NOS1AP: variants seen among roughly 807,000 people sequenced by gnomAD.
The protein encoded by NOS1AP is nitric oxide synthase 1 adaptor protein.
A neutral mutation model predicts 56.2 loss-of-function variants in NOS1AP; 21 were observed. That is an observed-to-expected ratio of 0.37 (90% CI 0.26 to 0.54). The LOEUF (loss-of-function observed/expected upper bound fraction) is 0.54, where lower values mean the gene tolerates loss of function less well. Ranked by LOEUF, NOS1AP falls within the 20% of genes least tolerant of loss-of-function variation. The pLI, the probability that NOS1AP is intolerant of heterozygous loss-of-function variation, is 0.84. For missense variants in NOS1AP, 522 were observed against 657.8 expected (o/e 0.79, Z 2.26); for synonymous variants, 270 against 274.6 (o/e 0.98, Z 0.17).
intron 2 of NOS1AP, among the ~76,000 whole-genome samples, chr1:162,253,058 C>T (rs574996599): frequency 1.3e-5 from 2 of 152,208 alleles, no homozygotes; most frequent in Admixed American, 1.3e-4. Flanking sequence ...TTGTCACTGT[C>T]ACAATATTAA....
chr1:162,343,918 T>G lies in NOS1AP; in HGVS notation c.537T>G (p.Asn179Lys). 1 of 1,614,080 alleles carries G rather than the reference T, an allele frequency of 6.2e-7. No homozygotes were observed. The highest frequency in any genetic ancestry group is 1.1e-5 in the South Asian group (1 of 91,076). Reference sequence around the variant, plus strand: ...TGAGCCTGCAGCACACGCAGCAGAATGCAGATGGCCAGGAAGATGGAGAGA... The same window carrying G: ...TGAGCCTGCAGCACACGCAGCAGAAGGCAGATGGCCAGGAAGATGGAGAGA... ...HKLSLQHTQQ[N>K]ADGQEDGESE... is the part of the protein sequence containing the mutation. The change falls in exon 6 of 10, where the codon AAT becomes AAG. Residue 179 changes from asparagine (N) to lysine (K), a missense_variant. Coordinates refer to ENST00000361897, the MANE Select transcript of NOS1AP (RefSeq NM_014697.3).
intron 3 of NOS1AP, among the ~76,000 whole-genome samples, chr1:162,291,473 A>C (rs541623277): frequency 1.8e-4 from 27 of 151,920 alleles, no homozygotes; most frequent in African/African-American, 6.0e-4. Context: ...TCTTCCTGTC[A>C]ATCTGCCAGT....
intron 5 of NOS1AP, among the ~76,000 whole-genome samples, chr1:162,339,393 G>GC (rs1657034583): frequency 9.0e-6 from 1 of 110,506 alleles, no homozygotes; most frequent in African/African-American, 4.2e-5. Flanking sequence ...GTATAATGAT[G>GC]CTTTTTTTAA....
intron 2 of NOS1AP, among the ~76,000 whole-genome samples, chr1:162,220,257 AG>A (rs750344481): frequency 6.6e-6 from 1 of 152,156 alleles, no homozygotes; most frequent in Non-Finnish European, 1.5e-5. Flanking sequence ...GAAATGCTGT[AG>A]GAACTGGGAA....
At chr1:162,153,901 AT>A (rs1307797178) in intron 1 of NOS1AP, among the ~76,000 whole-genome samples, 1 of 152,130 alleles carries the variant, frequency 6.6e-6, no homozygotes, top group Non-Finnish European at 1.5e-5. Context: ...ACTTAATCAA[AT>A]GTGTCAGGTA....
intron 5 of NOS1AP, among the ~76,000 whole-genome samples, chr1:162,341,793 C>T (rs570226328): frequency 3.5e-4 from 54 of 152,336 alleles, no homozygotes; most frequent in Admixed American, 3.5e-3. Flanking sequence ...GGAGCCTTTA[C>T]TTCTCCCTTT....
chr1:162,134,233 G>T (rs1323513443), intron 1 of NOS1AP, among the ~76,000 whole-genome samples: 1 of 152,142 alleles, frequency 6.6e-6, no homozygotes, highest in Non-Finnish European at 1.5e-5. Flanking sequence ...GCTCACACCT[G>T]TAATCCCAGC....
chr1:162,269,249 A>C (rs1046444513), intron 2 of NOS1AP, among the ~76,000 whole-genome samples: 4 of 152,192 alleles, frequency 2.6e-5, no homozygotes, highest in African/African-American at 9.7e-5. Context: ...CTCAAGATAA[A>C]ATATCCCTTA....
At chr1:162,285,093 GAAC>G in intron 2 of NOS1AP, among the ~76,000 whole-genome samples, 1 of 152,184 alleles carries the variant, frequency 6.6e-6, no homozygotes, top group East Asian at 1.9e-4. Context: ...AGAGACCAAA[GAAC>G]AATAAAAGAG....
intron 2 of NOS1AP, among the ~76,000 whole-genome samples, chr1:162,185,012 T>TC (rs1375516664): frequency 6.6e-6 from 1 of 152,208 alleles, no homozygotes; most frequent in African/African-American, 2.4e-5. Context: ...TTTCTGGAGC[T>TC]CCAAGAGGAT....
intron 2 of NOS1AP, among the ~76,000 whole-genome samples, chr1:162,187,091 G>A (rs10800336): frequency 3.8e-4 from 58 of 151,802 alleles, no homozygotes; most frequent in African/African-American, 1.4e-3. Flanking sequence ...CTCAGCCCCC[G>A]AAGTAGCTGG....
At chr1:162,338,930 C>T (rs950353453) in intron 5 of NOS1AP, among the ~76,000 whole-genome samples, 2 of 152,136 alleles carry the variant, frequency 1.3e-5, no homozygotes, top group East Asian at 3.8e-4. Context: ...GAAGTTGATA[C>T]CCACATTAGG....
At chr1:162,161,135 T>G (rs1238807480) in intron 2 of NOS1AP, among the ~76,000 whole-genome samples, 1 of 152,224 alleles carries the variant, frequency 6.6e-6, no homozygotes, top group African/African-American at 2.4e-5. Context: ...GTTATTAGAT[T>G]GGTCCCTCCT....
intron 4 of NOS1AP, among the ~76,000 whole-genome samples, chr1:162,329,975 C>A (rs757607342): frequency 6.6e-6 from 1 of 152,218 alleles, no homozygotes; most frequent in Non-Finnish European, 1.5e-5. Flanking sequence ...CAGTTCTCAT[C>A]AGATTTTCTG....
At chr1:162,197,930 G>T (rs560613551) in intron 2 of NOS1AP, among the ~76,000 whole-genome samples, 4 of 152,370 alleles carry the variant, frequency 2.6e-5, no homozygotes, top group Non-Finnish European at 4.4e-5. Context: ...AGAGAGCTTT[G>T]CAGCACATGC....
At chr1:162,098,625 G>A (rs992594314) in intron 1 of NOS1AP, among the ~76,000 whole-genome samples, 1 of 151,834 alleles carries the variant, frequency 6.6e-6, no homozygotes, top group African/African-American at 2.4e-5. Flanking sequence ...TAGGTATTAA[G>A]CCTAGCATCC....
intron 5 of NOS1AP, among the ~76,000 whole-genome samples, chr1:162,335,263 C>T (rs762642532): frequency 6.6e-6 from 1 of 152,244 alleles, no homozygotes; most frequent in Non-Finnish European, 1.5e-5. Context: ...CAGGCCCTTT[C>T]CTGGCCTGGA....
intron 4 of NOS1AP, among the ~76,000 whole-genome samples, chr1:162,327,154 G>A (rs192704140): frequency 6.6e-6 from 1 of 152,256 alleles, no homozygotes; most frequent in East Asian, 1.9e-4. Context: ...ACATGGCAAG[G>A]GGAAAATCTC....
chr1:162,233,509 A>AT (rs5778257), intron 2 of NOS1AP, among the ~76,000 whole-genome samples: 24 of 151,732 alleles, frequency 1.6e-4, no homozygotes, highest in South Asian at 1.0e-3. Context: ...ATATTCAGTG[A>AT]TTTTTTTTTG....
Sources: gnomAD v4.1 joint callset for allele counts (sites outside exome capture counted in the v4.1 genomes callset) on GRCh38, gnomAD v4.1.1 for gene constraint, MANE v1.5 for transcripts, NCBI Gene and HGNC (gene_info 2026-07-23, HGNC 2026-07-21) for gene names.